Variants in RXFP1 observed in about 807,000 individuals in gnomAD.
The protein encoded by RXFP1 is relaxin family peptide receptor 1, also known as relaxin receptor 1.
A neutral mutation model predicts 89.8 loss-of-function variants in RXFP1; 73 were observed. That is an observed-to-expected ratio of 0.81 (90% CI 0.67 to 0.99). The LOEUF is 0.99. Among genes scored for constraint, RXFP1 ranks in the 50% least tolerant of loss-of-function variants. The probability of loss-of-function intolerance (pLI) is 0.00; values close to 1 mark genes in which losing one functional copy is unlikely to be tolerated. For synonymous variants in RXFP1, 277 were observed against 305.5 expected, an observed-to-expected ratio of 0.91 and a Z score of 0.97; for missense variants, 793 against 895.5, an observed-to-expected ratio of 0.89 and a Z score of 1.46.
intron 1 of RXFP1, among the ~76,000 whole-genome samples, chr4:158,569,817 G>T (rs1324566990): frequency 4.6e-5 from 7 of 152,128 alleles, no homozygotes; most frequent in African/African-American, 1.7e-4. Flanking sequence ...TGTTGGTGGG[G>T]GGTGGGGATA....
chr4:158,557,061 C>A lies in RXFP1; in HGVS notation c.50-15637C>A, dbSNP rs767795498. Among the ~76,000 whole-genome samples, 104 of 152,040 alleles carry A rather than the reference C, an allele frequency of 6.8e-4. 1 individual carries two copies. Among genetic ancestry groups the A allele is most frequent in the South Asian group, 2.1e-3 (10 of 4,806 alleles). On this transcript the variant is annotated intron_variant, in intron 1 of 17. Coordinates refer to ENST00000307765, the MANE Select transcript of RXFP1 (RefSeq NM_021634.4). ...TAAATTATTATACATTATGAAATAG[C>A]CAGAAGAGAGGCTTTTGAATGTTCT...
At chr4:158,628,327 AC>A (rs1266379154) in intron 10 of RXFP1, among the ~76,000 whole-genome samples, 1 of 152,170 alleles carries the variant, frequency 6.6e-6, no homozygotes, top group African/African-American at 2.4e-5. Flanking sequence ...CAAGTCTAAA[AC>A]AGCTCCTATG....
At chr4:158,594,758 A>G (rs548756435) in intron 3 of RXFP1, among the ~76,000 whole-genome samples, 2 of 152,236 alleles carry the variant, frequency 1.3e-5, no homozygotes, top group South Asian at 4.1e-4. Context: ...AATTTTTCTT[A>G]TAGCTAAAAC....
intron 6 of RXFP1, among the ~76,000 whole-genome samples, chr4:158,608,801 CCT>C (rs532464078): frequency 2.4e-4 from 36 of 152,236 alleles, no homozygotes; most frequent in African/African-American, 8.4e-4. Flanking sequence ...CCAATTTCCC[CCT>C]CTCCCCAGCC....
chr4:158,530,673 C>G (rs1743808228), intron 1 of RXFP1, among the ~76,000 whole-genome samples: 2 of 152,174 alleles, frequency 1.3e-5, no homozygotes, highest in Non-Finnish European at 2.9e-5. Flanking sequence ...GTGTTAAGAT[C>G]AAGAGAGGTG....
intron 14 of RXFP1, among the ~76,000 whole-genome samples, chr4:158,642,198 G>T (rs1015807430): frequency 6.6e-6 from 1 of 151,838 alleles, no homozygotes; most frequent in Non-Finnish European, 1.5e-5. Flanking sequence ...CTTCATGGGG[G>T]TACATAGTGA....
intron 11 of RXFP1, among the ~76,000 whole-genome samples, chr4:158,629,715 C>T (rs891119197): frequency 7.2e-5 from 11 of 152,216 alleles, no homozygotes; most frequent in Non-Finnish European, 1.5e-4. Flanking sequence ...TAACCTCGAA[C>T]TCCTTGGACT....
At chr4:158,569,832 T>A (rs1049023058) in intron 1 of RXFP1, among the ~76,000 whole-genome samples, 15 of 152,176 alleles carry the variant, frequency 9.9e-5, no homozygotes, top group African/African-American at 3.4e-4. Flanking sequence ...GGGATAAGAT[T>A]AAAGCATTCG....
chr4:158,651,334 C>G (rs527310570), intron 17 of RXFP1, among the ~76,000 whole-genome samples: 1 of 152,224 alleles, frequency 6.6e-6, no homozygotes, highest in South Asian at 2.1e-4. Context: ...CTATTAAATA[C>G]AAGCTTACAT....
intron 4 of RXFP1, among the ~76,000 whole-genome samples, chr4:158,603,889 CAATAATAATAATAATAAT>C (rs10617905): frequency 7.1e-6 from 1 of 141,120 alleles, no homozygotes; most frequent in Admixed American, 7.2e-5. Context: ...GACTCCATCT[CAATAATAATAATAATAAT>C]AATAATAATA....
At chr4:158,563,496 GCACACACACACACACACACACA>G (rs145181248) in intron 1 of RXFP1, among the ~76,000 whole-genome samples, 1 of 142,412 alleles carries the variant, frequency 7.0e-6, no homozygotes, top group Non-Finnish European at 1.5e-5. Context: ...AGAATTCAAT[GCACACACACACACACACACACA>G]CACACACACA....
At chr4:158,564,065 T>G (rs940509887) in intron 1 of RXFP1, among the ~76,000 whole-genome samples, 1 of 151,822 alleles carries the variant, frequency 6.6e-6, no homozygotes, top group Non-Finnish European at 1.5e-5. Flanking sequence ...TCTTAGAAAT[T>G]TTGTTATTGG....
chr4:158,572,108 T>C (rs1325892014), intron 1 of RXFP1, among the ~76,000 whole-genome samples: 2 of 152,140 alleles, frequency 1.3e-5, no homozygotes, highest in Non-Finnish European at 2.9e-5. Context: ...CTGTACAAAA[T>C]CAATCGTGTT....
chr4:158,633,504 CG>C, intron 12 of RXFP1, 28 bp downstream of exon 12: 1 of 1,381,590 alleles, frequency 7.2e-7, no homozygotes, highest in South Asian at 1.3e-5. Context: ...TTTGCCACCT[CG>C]TTTCTTTATT....
chr4:158,644,633 G>A (rs929714115), intron 14 of RXFP1, among the ~76,000 whole-genome samples: 1 of 152,100 alleles, frequency 6.6e-6, no homozygotes, highest in South Asian at 2.1e-4. Flanking sequence ...TCATTCTCTT[G>A]ATCACATCTA....
At chr4:158,626,673 TG>T in intron 9 of RXFP1, 146 bp from the exon 10 acceptor site, 1 of 443,034 alleles carries the variant, frequency 2.3e-6, no homozygotes, top group Non-Finnish European at 3.9e-6. Flanking sequence ...TAATTTCAGC[TG>T]TAATAGAAAT....
At chr4:158,561,661 T>TCTG (rs1353595598) in intron 1 of RXFP1, among the ~76,000 whole-genome samples, 1 of 136,338 alleles carries the variant, frequency 7.3e-6, no homozygotes, top group Admixed American at 8.3e-5. Flanking sequence ...AGAGTCTCAC[T>TCTG]CTGTCACCCA....
At position 158,605,223 on chromosome 4, in the gene RXFP1, C is replaced by A. The variant is rs28683083; in HGVS notation, c.464+84C>A. The A allele has an allele frequency of 5.6e-3, 3,811 of 683,668 alleles. 117 individuals are homozygous for A. The African/African-American group carries it at 0.06, about 11-fold the overall frequency. 42.4% of individuals were successfully genotyped at this position (683,668 alleles called of 1,614,324 possible). ...TTCTTCCTACTTCTGTGAACACCAA[C>A]ACTATTCCGCTGCTTGTGTCTAATC... On this transcript the variant is annotated intron_variant, in intron 5 of 17. Coordinates refer to ENST00000307765, the MANE Select transcript of RXFP1 (RefSeq NM_021634.4).
intron 1 of RXFP1, among the ~76,000 whole-genome samples, chr4:158,551,986 C>T (rs976742362): frequency 8.5e-5 from 13 of 152,102 alleles, no homozygotes; most frequent in African/African-American, 3.1e-4. Context: ...TAAAGACCCA[C>T]TCAAAAAACA....
Sources: gnomAD v4.1 joint callset for allele counts (sites outside exome capture counted in the v4.1 genomes callset) on GRCh38, gnomAD v4.1.1 for gene constraint, MANE v1.5 for transcripts, NCBI Gene and HGNC (gene_info 2026-07-23, HGNC 2026-07-21) for gene names.